GAREM1: variants seen among roughly 807,000 people sequenced by gnomAD.
GAREM1 encodes GRB2 associated regulator of MAPK1 subtype 1.
GAREM1 carries 26 observed loss-of-function variants against 71.3 expected under a neutral mutation model. The observed-to-expected ratio is 0.36, with a 90% CI of 0.27 to 0.51. The LOEUF is 0.51. GAREM1 is among the 20% of genes least tolerant of loss of function. The probability of loss-of-function intolerance (pLI) is 0.95; values close to 1 mark genes in which losing one functional copy is unlikely to be tolerated. For synonymous variants in GAREM1, 440 were observed against 433.2 expected, an observed-to-expected ratio of 1.02 and a Z score of -0.20; for missense variants, 1,026 against 1,103.1, an observed-to-expected ratio of 0.93 and a Z score of 0.99.
intron 2 of GAREM1, among the ~76,000 whole-genome samples, chr18:32,340,765 G>A (rs961501407): frequency 1.3e-5 from 2 of 152,234 alleles, no homozygotes; most frequent in South Asian, 4.2e-4. Flanking sequence ...CCATAGGGAA[G>A]TGCAAAGTAA....
At chr18:32,369,000 C>T (rs938787996) in intron 2 of GAREM1, among the ~76,000 whole-genome samples, 6 of 152,172 alleles carry the variant, frequency 3.9e-5, no homozygotes, top group Non-Finnish European at 2.9e-5. Flanking sequence ...CTCAACAGTA[C>T]ACCTATACCA....
chr18:32,424,334 C>T (rs113805756), intron 1 of GAREM1, among the ~76,000 whole-genome samples: 2,334 of 152,236 alleles, frequency 0.015, 28 homozygotes, highest in Middle Eastern at 0.037. Context: ...TGTGCAAACA[C>T]GGTTACATAA....
intron 1 of GAREM1, 84 bp from the exon 2 acceptor site, chr18:32,393,119 A>T: frequency 6.7e-6 from 9 of 1,341,536 alleles, no homozygotes; most frequent in Non-Finnish European, 9.3e-6. Flanking sequence ...ATTAGTTAAA[A>T]CTTGACTAAT....
intron 1 of GAREM1, among the ~76,000 whole-genome samples, chr18:32,441,418 G>C (rs2048736116): frequency 6.6e-6 from 1 of 152,138 alleles, no homozygotes; most frequent in South Asian, 2.1e-4. Context: ...GCTTGATACA[G>C]AGTAAATATT....
At chr18:32,433,352 G>A (rs1036819446) in intron 1 of GAREM1, among the ~76,000 whole-genome samples, 1 of 150,922 alleles carries the variant, frequency 6.6e-6, no homozygotes, top group African/African-American at 2.4e-5. Context: ...AAGAACAAAT[G>A]TTTTCCCCCT....
intron 1 of GAREM1, among the ~76,000 whole-genome samples, chr18:32,394,291 A>G (rs1406825713): frequency 6.6e-6 from 1 of 152,158 alleles, no homozygotes; most frequent in Non-Finnish European, 1.5e-5. Flanking sequence ...AGTCCCAGCT[A>G]CTTAGGAGGC....
At chr18:32,457,177 T>TG (rs200770469) in intron 1 of GAREM1, among the ~76,000 whole-genome samples, 1,433 of 39,382 alleles carry the variant, frequency 0.036, 11 homozygotes, top group Non-Finnish European at 0.052. Context: ...GTGTGGGGGG[T>TG]GGGGGAGAGA....
chr18:32,408,353 A>T (rs1427907495), intron 1 of GAREM1, among the ~76,000 whole-genome samples: 1 of 152,218 alleles, frequency 6.6e-6, no homozygotes, highest in East Asian at 1.9e-4. Context: ...ATTCGTATAT[A>T]TTATATGCTT....
At chr18:32,341,992 T>C (rs1416598431) in intron 2 of GAREM1, among the ~76,000 whole-genome samples, 1 of 151,994 alleles carries the variant, frequency 6.6e-6, no homozygotes, top group Non-Finnish European at 1.5e-5. Flanking sequence ...TGGAGAACAC[T>C]GATATTGCAG....
At chr18:32,392,057 A>G (rs1438895415) in intron 2 of GAREM1, among the ~76,000 whole-genome samples, 1 of 152,186 alleles carries the variant, frequency 6.6e-6, no homozygotes, top group African/African-American at 2.4e-5. Flanking sequence ...TCGAGAACAC[A>G]ATGGCAGTCT....
chr18:32,387,222 C>T (rs1387926427), intron 2 of GAREM1, among the ~76,000 whole-genome samples: 1 of 152,074 alleles, frequency 6.6e-6, no homozygotes, highest in Non-Finnish European at 1.5e-5. Context: ...AACCATTCAA[C>T]TTCAGAAATT....
chr18:32,311,615 G>T (rs2047324884), intron 2 of GAREM1, among the ~76,000 whole-genome samples: 1 of 152,284 alleles, frequency 6.6e-6, no homozygotes, highest in South Asian at 2.1e-4. Context: ...GGAGGGTCGT[G>T]CTTGGTAGTT....
intron 2 of GAREM1, among the ~76,000 whole-genome samples, chr18:32,319,736 T>G (rs2047412238): frequency 6.6e-6 from 1 of 152,206 alleles, no homozygotes; most frequent in African/African-American, 2.4e-5. Context: ...CTTGTACATC[T>G]GTCCAGAGGC....
intron 1 of GAREM1, among the ~76,000 whole-genome samples, chr18:32,468,937 C>A: frequency 6.9e-6 from 1 of 145,852 alleles, no homozygotes; most frequent in African/African-American, 2.5e-5. Flanking sequence ...GAAGCAGAAA[C>A]GCCTCAACAC....
intron 3 of GAREM1, among the ~76,000 whole-genome samples, chr18:32,307,128 C>A (rs898931981): frequency 6.6e-6 from 1 of 152,076 alleles, no homozygotes; most frequent in Non-Finnish European, 1.5e-5. Flanking sequence ...TTTTCTAATA[C>A]TTTTGCTTTA....
chr18:32,341,438 T>C (rs1397189585), intron 2 of GAREM1, among the ~76,000 whole-genome samples: 1 of 152,208 alleles, frequency 6.6e-6, no homozygotes, highest in African/African-American at 2.4e-5. Flanking sequence ...ACAATAAACA[T>C]ACATGTGCAT....
At chr18:32,349,994 G>A (rs981196266) in intron 2 of GAREM1, among the ~76,000 whole-genome samples, 2 of 152,206 alleles carry the variant, frequency 1.3e-5, no homozygotes, top group Non-Finnish European at 1.5e-5. Context: ...AGTGTCTGAA[G>A]CAGAACGAAG....
Position 32,392,977 on chromosome 18 carries a change from C to G in GAREM1, c.180G>C (p.Gln60His), listed in dbSNP as rs1352593918. 6.2e-7 allele frequency: 1 copy of G among 1,613,868 alleles called. No homozygotes were observed. The highest frequency in any genetic ancestry group is 1.1e-5 in the South Asian group (1 of 91,060). The change falls in exon 2 of 6, where the codon CAG becomes CAC. Residue 60 changes from glutamine (Q) to histidine (H), a missense_variant. Gln to His is a conservative substitution (Grantham distance 24, BLOSUM62 0). Coordinates refer to ENST00000269209, the MANE Select transcript of GAREM1 (RefSeq NM_001242409.2). ...AGCTGTGGGCAGTGATGGTGGTCCA[C>G]TGGCGGCAGGAATGAATCAGCAGAT... Reference protein sequence around the residue: ...NDYLLIHSCRQWTTITAHSLE... With the variant: ...NDYLLIHSCRHWTTITAHSLE...
Position 32,268,452 on chromosome 18 carries a change from C to T in GAREM1, c.2050G>A (p.Val684Ile), listed in dbSNP as rs2041408211. The T allele has an allele frequency of 6.2e-7, 1 of 1,614,192 alleles. No individual in the cohort carries two copies. Among genetic ancestry groups the T allele is most frequent in the South Asian group, 1.1e-5 (1 of 91,086 alleles). ...ACGCTGCTACTGAATTCTGCAGTGA[C>T]TGGGCTAGTGGGGCTGGCCAGGAGC... ...CELLASPTSP[V>I]TAEFSSSVSG... The change falls in exon 6 of 6, where the codon GTC becomes ATC. Residue 684 changes from valine to isoleucine, a missense_variant. By Grantham distance (29) the Val-to-Ile change is conservative. This residue lies in a region of GAREM1 where 636 missense variants were observed against 631.2 expected (regional missense o/e 1.01). Coordinates refer to ENST00000269209, the MANE Select transcript of GAREM1 (RefSeq NM_001242409.2).
Sources: allele counts gnomAD v4.1 joint callset (sites outside exome capture counted in the v4.1 genomes callset), GRCh38; gene constraint gnomAD v4.1.1; regional missense constraint gnomAD v4.1.1; transcripts MANE v1.5; gene names NCBI Gene and HGNC (gene_info 2026-07-23, HGNC 2026-07-21).